The following ENAH variants were observed in gnomAD, a reference collection of about 807,000 sequenced individuals.
ENAH encodes the protein ENAH actin regulator, also known as protein enabled homolog.
In ENAH, 23 loss-of-function variants were observed where a neutral mutation model predicts 78.7. That is an observed-to-expected ratio of 0.29 (90% CI 0.21 to 0.41). The LOEUF (loss-of-function observed/expected upper bound fraction) is 0.41, where lower values mean the gene tolerates loss of function less well. ENAH is among the 10% of genes least tolerant of loss of function. The probability of loss-of-function intolerance (pLI) is 1.00; values close to 1 mark genes in which losing one functional copy is unlikely to be tolerated. For missense variants in ENAH, 544 were observed against 691.0 expected (o/e 0.79, Z 2.39); for synonymous variants, 226 against 241.0 (o/e 0.94, Z 0.58).
At position 225,611,061 on chromosome 1, in the gene ENAH, G is replaced by A. The variant is rs527767101; in HGVS notation, c.5+41625C>T. ...TAATTGACGCTGTTCTGGGTCAGGT[G>A]GGGTTACTCTTTGGTGAAAGACTGT... On this transcript the variant is annotated intron_variant, in intron 1 of 13. Coordinates refer to ENST00000366843, the MANE Select transcript of ENAH (RefSeq NM_018212.6). Among the ~76,000 whole-genome samples the A allele has an allele frequency of 4.6e-4, 70 of 152,296 alleles. 1 individual carries two copies. In the South Asian group the frequency reaches 0.013, roughly 27 times the overall value.
intron 1 of ENAH, among the ~76,000 whole-genome samples, chr1:225,634,945 C>T (rs924036095): frequency 1.3e-5 from 2 of 152,268 alleles, no homozygotes; most frequent in African/African-American, 2.4e-5. Context: ...TTGCAAAAAA[C>T]GCCATTGGGA....
chr1:225,539,085 G>A (rs566229868), intron 3 of ENAH, among the ~76,000 whole-genome samples: 12 of 152,318 alleles, frequency 7.9e-5, no homozygotes, highest in Admixed American at 3.3e-4. Context: ...ATCTATCAGA[G>A]TGTTGGTTGA....
chr1:225,563,700 T>C (rs546824722), intron 2 of ENAH, among the ~76,000 whole-genome samples: 5 of 152,218 alleles, frequency 3.3e-5, no homozygotes, highest in Non-Finnish European at 5.9e-5. Context: ...TTGAGGACTA[T>C]TATATCTAGG....
At chr1:225,538,515 T>C (rs2096573203) in intron 3 of ENAH, among the ~76,000 whole-genome samples, 1 of 151,946 alleles carries the variant, frequency 6.6e-6, no homozygotes, top group Non-Finnish European at 1.5e-5. Flanking sequence ...ATCGTGCATA[T>C]ATAGCTACAC....
chr1:225,592,216 A>T (rs2096880455), intron 1 of ENAH, among the ~76,000 whole-genome samples: 1 of 152,246 alleles, frequency 6.6e-6, no homozygotes, highest in African/African-American at 2.4e-5. Context: ...ACACTACCAA[A>T]CAGTACACCT....
chr1:225,570,574 T>C (rs1287381411), intron 1 of ENAH, among the ~76,000 whole-genome samples: 7 of 152,132 alleles, frequency 4.6e-5, no homozygotes, highest in Non-Finnish European at 7.4e-5. Context: ...ATCTCTATAA[T>C]GATCCATGTC....
At chr1:225,639,815 T>C (rs952405350) in intron 1 of ENAH, among the ~76,000 whole-genome samples, 3 of 152,058 alleles carry the variant, frequency 2.0e-5, no homozygotes, top group Non-Finnish European at 4.4e-5. Flanking sequence ...TATGGTCCAC[T>C]TGTTACCAAT....
chr1:225,601,796 A>C (rs2096932647), intron 1 of ENAH, among the ~76,000 whole-genome samples: 1 of 152,024 alleles, frequency 6.6e-6, no homozygotes, highest in East Asian at 1.9e-4. Context: ...ATATAACTTA[A>C]TAACCCTTAC....
chr1:225,528,763 A>G (rs1475778633), intron 4 of ENAH, among the ~76,000 whole-genome samples: 3 of 152,096 alleles, frequency 2.0e-5, no homozygotes, highest in Non-Finnish European at 4.4e-5. Context: ...CAACATCTCT[A>G]CTTACATGTC....
At position 225,487,414 on chromosome 1, in the gene ENAH, G is replaced by A. The variant is rs1262795493; in HGVS notation, c.*10361C>T. 1 of 152,158 alleles carries A rather than the reference G, an allele frequency of 6.6e-6. No homozygotes were observed. The highest frequency in any genetic ancestry group is 2.4e-5 in the African/African-American group (1 of 41,434). The allele number at this position is 152,158 out of a possible 1,614,324, so 9.4% of individuals were successfully genotyped here. A position where few individuals can be genotyped will look rare whatever the true frequency, so the allele number is the denominator to read the frequency against. On this transcript the variant is annotated 3_prime_UTR_variant, in exon 14 of 14. Coordinates refer to ENST00000366843, the MANE Select transcript of ENAH (RefSeq NM_018212.6). ...AGATGTTTCCTGACAATGAGATCCT[G>A]TTTAATTCAGATTTTCAAACAACTT...
In ENAH at chr1:225,517,096, AG is replaced by A; in HGVS notation, c.913+99del. ...TGGCATTATGGCATATAAATGTTCA[AG>A]GATCAAAACCATCCTACCCATCCAT... On this transcript the variant is annotated intron_variant, in intron 6 of 13. Transcript: ENST00000366843. 3.1e-6 allele frequency: 3 copies of A among 963,122 alleles called. No individual in the cohort carries two copies. The East Asian group carries it at 8.3e-5, about 27-fold the overall frequency. 59.7% of individuals were successfully genotyped at this position (963,122 alleles called of 1,614,324 possible).
At position 225,519,490 on chromosome 1, in the gene ENAH, CCTTT is replaced by C; in HGVS notation, c.506_509del (p.Glu169GlyfsTer7). The C allele has an allele frequency of 6.2e-7, 1 of 1,611,638 alleles. No individual in the cohort carries two copies. The highest frequency in any genetic ancestry group is 8.5e-7 in the Non-Finnish European group (1 of 1,178,592). ...CCCTTTCTAACCTCTCTCTCTCCAA[CCTTT>C]CTCTTTCCATTCTTTCTCGCTCCAG... On this transcript the variant is annotated frameshift_variant, in exon 5 of 14. Transcript: ENST00000366843. LOFTEE classifies it high-confidence loss of function.
intron 2 of ENAH, among the ~76,000 whole-genome samples, chr1:225,564,942 C>T (rs887284786): frequency 1.3e-5 from 2 of 151,728 alleles, no homozygotes; most frequent in Non-Finnish European, 2.9e-5. Context: ...TAATATCACT[C>T]AGGTCTCAGT....
At chr1:225,501,187 C>A in intron 11 of ENAH, 117 bp from the exon 12 acceptor site, 1 of 697,906 alleles carries the variant, frequency 1.4e-6, no homozygotes, top group Non-Finnish European at 2.3e-6. Context: ...TTTAAAAAAG[C>A]CATTTTCTTA....
intron 5 of ENAH, chr1:225,517,764 G>T: frequency 1.3e-6 from 2 of 1,551,216 alleles, no homozygotes; most frequent in Non-Finnish European, 1.7e-6. Flanking sequence ...GAACAGGGTG[G>T]AAGGCTGAAC....
At position 225,494,075 on chromosome 1, in the gene ENAH, A is replaced by AAAAAC. The variant is rs764374117; in HGVS notation, c.*3699_*3700insGTTTT. The AAAAAC allele has an allele frequency of 1.3e-5, 2 of 150,932 alleles. No homozygotes were observed. The highest frequency in any genetic ancestry group is 3.0e-5 in the Non-Finnish European group (2 of 67,678). 9.3% of individuals were successfully genotyped at this position (150,932 alleles called of 1,614,324 possible). On this transcript the variant is annotated 3_prime_UTR_variant, in exon 14 of 14. Coordinates refer to ENST00000366843, the MANE Select transcript of ENAH (RefSeq NM_018212.6). Reference sequence around the variant, plus strand: ...GAGACAGGCTAGAGCAAAAAAAAAAAAAAAAAAACAGCTGAAAATTTTACA... The same window carrying AAAAAC: ...GAGACAGGCTAGAGCAAAAAAAAAAAAAAACAAAAAAAACAGCTGAAAATTTTACA...
chr1:225,653,230 G>C (rs1333934234), upstream of ENAH: 1 of 151,114 alleles, frequency 6.6e-6, no homozygotes, highest in Admixed American at 6.6e-5. This position sits in a 1 kb window ranked among gnomAD's most constrained non-coding sequence, Gnocchi z 4.3. Flanking sequence ...CGGTGCGGGG[G>C]GAGGGGAGGA....
chr1:225,488,532 T>C lies in ENAH; in HGVS notation c.*9243A>G, dbSNP rs1439552035. On this transcript the variant is annotated 3_prime_UTR_variant, in exon 14 of 14. Transcript: ENST00000366843. Reference sequence around the variant, plus strand: ...TTTCCTCAAAAATTAAAAAAAAAATTCTATGCAAATATGTAAGTACTGTCA... The same window carrying C: ...TTTCCTCAAAAATTAAAAAAAAAATCCTATGCAAATATGTAAGTACTGTCA... 6.6e-6 allele frequency: 1 copy of C among 152,126 alleles called. No homozygotes were observed. Among genetic ancestry groups the C allele is most frequent in the East Asian group, 1.9e-4 (1 of 5,200 alleles). 9.4% of individuals were successfully genotyped at this position (152,126 alleles called of 1,614,324 possible).
chr1:225,506,972 A>G (rs1243986434), intron 11 of ENAH, among the ~76,000 whole-genome samples: 1 of 152,146 alleles, frequency 6.6e-6, no homozygotes, highest in African/African-American at 2.4e-5. Context: ...AATACCTTTT[A>G]GTTTCTAAAT....
Sources: gnomAD v4.1 joint callset for allele counts (sites outside exome capture counted in the v4.1 genomes callset) on GRCh38, gnomAD v4.1.1 for gene constraint, Gnocchi (gnomAD v3.1) non-coding constraint, MANE v1.5 for transcripts, NCBI Gene and HGNC (gene_info 2026-07-23, HGNC 2026-07-21) for gene names.